The following SMNDC1 variants were observed in gnomAD, a reference collection of about 807,000 sequenced individuals.
The protein encoded by SMNDC1 is survival motor neuron domain containing 1, also known as survival of motor neuron-related-splicing factor 30.
Under a neutral mutation model 29.2 loss-of-function variants are expected in SMNDC1, and 5 were observed. The observed-to-expected ratio is 0.17, with a 90% CI of 0.09 to 0.36. The LOEUF is 0.36. SMNDC1 is among the 10% of genes least tolerant of loss of function. SMNDC1 has a pLI of 1.00. For missense variants in SMNDC1, 142 were observed against 268.5 expected, an observed-to-expected ratio of 0.53 and a Z score of 3.29; for synonymous variants, 80 against 89.9, an observed-to-expected ratio of 0.89 and a Z score of 0.62.
intron 2 of SMNDC1, among the ~76,000 whole-genome samples, chr10:110,303,171 A>AG (rs1187129770): frequency 6.6e-6 from 1 of 152,236 alleles, no homozygotes; most frequent in Non-Finnish European, 1.5e-5. Flanking sequence ...TTCATTGTGA[A>AG]GTTACATGTA....
intron 5 of SMNDC1, among the ~76,000 whole-genome samples, chr10:110,294,729 T>A (rs1857541543): frequency 1.3e-5 from 2 of 152,206 alleles, no homozygotes; most frequent in African/African-American, 4.8e-5. Flanking sequence ...GCCATGTCCA[T>A]CAATGGAAGG....
rs150361329 is a variant in SMNDC1 at position 110,297,683 on chromosome 10, G to A, written c.309C>T (p.Thr103=). 1,033 of 1,613,944 alleles carry A rather than the reference G, an allele frequency of 6.4e-4. No homozygotes were observed. The highest frequency in any genetic ancestry group is 7.9e-4 in the Non-Finnish European group (931 of 1,179,932). Reference sequence around the variant, plus strand: ...CATAACCAGCAAAGGTGATTGCAGCGGTGCCATTTTCTTCATCTATCTCCT... The same window carrying A: ...CATAACCAGCAAAGGTGATTGCAGCAGTGCCATTTTCTTCATCTATCTCCT... ...EIEEIDEENG[T]AAITFAGYGN... The change falls in exon 4 of 6, where the codon ACC becomes ACT. Residue 103 remains threonine (T), a synonymous_variant. Coordinates refer to ENST00000369603, the MANE Select transcript of SMNDC1 (RefSeq NM_005871.4).
At chr10:110,301,710 A>T (rs1021916702) in intron 2 of SMNDC1, among the ~76,000 whole-genome samples, 2 of 152,208 alleles carry the variant, frequency 1.3e-5, no homozygotes, top group Non-Finnish European at 2.9e-5. Flanking sequence ...GTTCTACTGG[A>T]CAGTGCTGTT....
At chr10:110,303,695 T>A (rs1564735242) in intron 1 of SMNDC1, 108 bp from the exon 2 acceptor site, 1 of 1,021,288 alleles carries the variant, frequency 9.8e-7, no homozygotes, top group Non-Finnish European at 1.4e-6. Flanking sequence ...TCTAACTCCT[T>A]CTAACACTGC....
Position 110,298,736 on chromosome 10 carries a change from C to T in SMNDC1, c.175G>A (p.Ala59Thr), listed in dbSNP as rs1179831760. The change falls in exon 3 of 6, where the codon GCA becomes ACA. Residue 59 changes from alanine (A) to threonine (T), a missense_variant. Ala to Thr is a moderately conservative substitution (Grantham distance 58). Coordinates refer to ENST00000369603, the MANE Select transcript of SMNDC1 (RefSeq NM_005871.4). The part of the protein sequence containing the change: ...LLSTQPSETL[A>T]SSDSFASTQP... ...GTAGAAGCAAAACTGTCTGAACTTG[C>T]AAGCGTCTCAGAAGGTTGAGTTGAC... 9.3e-6 allele frequency: 15 copies of T among 1,613,588 alleles called. No homozygotes were observed. Among genetic ancestry groups the T allele is most frequent in the Admixed American group, 1.7e-5 (1 of 59,942 alleles).
rs1187717186 is a variant in SMNDC1 at position 110,294,097 on chromosome 10, A to AT, written c.*52dup. On this transcript the variant is annotated 3_prime_UTR_variant, in exon 6 of 6. Coordinates refer to ENST00000369603, the MANE Select transcript of SMNDC1 (RefSeq NM_005871.4). Reference sequence around the variant, plus strand: ...AATTTACCTTTAGAAAAATATAAGGATAAAAAGGTAAATGTAAAGCCCTGC... The same window carrying AT: ...AATTTACCTTTAGAAAAATATAAGGATTAAAAAGGTAAATGTAAAGCCCTGC... 1 of 1,379,396 alleles carries AT rather than the reference A, an allele frequency of 7.2e-7. No individual in the cohort carries two copies. Among genetic ancestry groups the AT allele is most frequent in the Non-Finnish European group, 9.6e-7 (1 of 1,041,244 alleles). 85.4% of individuals were successfully genotyped at this position (1,379,396 alleles called of 1,614,324 possible). A position where few individuals can be genotyped will look rare whatever the true frequency, so the allele number is the denominator to read the frequency against.
chr10:110,302,889 C>A (rs939754622), intron 2 of SMNDC1, among the ~76,000 whole-genome samples: 1 of 152,078 alleles, frequency 6.6e-6, no homozygotes, highest in African/African-American at 2.4e-5. Context: ...GTTCAATTTC[C>A]ACAAGTGTCA....
At chr10:110,296,757 C>T (rs1183363314) in intron 4 of SMNDC1, among the ~76,000 whole-genome samples, 3 of 152,162 alleles carry the variant, frequency 2.0e-5, no homozygotes, top group African/African-American at 7.2e-5. Context: ...TCTTTATGTT[C>T]TGGACTTTAC....
At chr10:110,295,475 A>G in intron 4 of SMNDC1, 94 bp from the exon 5 acceptor site, 2 of 845,844 alleles carry the variant, frequency 2.4e-6, no homozygotes, top group Non-Finnish European at 1.8e-6. Context: ...AAAATCTAAT[A>G]AACATATACA....
rs557300040 is a variant in SMNDC1 at position 110,291,933 on chromosome 10, A to G, written c.*2217T>C. 2.0e-5 allele frequency: 3 copies of G among 152,300 alleles called. No homozygotes were observed. The South Asian group carries it at 6.2e-4, about 32-fold the overall frequency. The allele number at this position is 152,300 out of a possible 1,614,324, so 9.4% of individuals were successfully genotyped here. ...TTTCTACTTAGGGGCCCATAACTCA[A>G]TATTTAACATTTCAGTCTGTCACAG... is the stretch of plus-strand genomic sequence containing the variant. On this transcript the variant is annotated 3_prime_UTR_variant, in exon 6 of 6. Coordinates refer to ENST00000369603, the MANE Select transcript of SMNDC1 (RefSeq NM_005871.4).
In SMNDC1 at chr10:110,292,073, C is replaced by T. The variant is rs1321371165; in HGVS notation, c.*2077G>A. 6.6e-6 allele frequency: 1 copy of T among 152,144 alleles called. No homozygotes were observed. The highest frequency in any genetic ancestry group is 1.5e-5 in the Non-Finnish European group (1 of 68,022). 9.4% of individuals were successfully genotyped at this position (152,144 alleles called of 1,614,324 possible). A position where few individuals can be genotyped will look rare whatever the true frequency, so the allele number is the denominator to read the frequency against. On this transcript the variant is annotated 3_prime_UTR_variant, in exon 6 of 6. Transcript: ENST00000369603. ...TTTCAGAATATAGAGAGCTTAACCA[C>T]CTTCAACTGTAAAATACTGTGGGTA...
chr10:110,291,890 G>A lies in SMNDC1; in HGVS notation c.*2260C>T, dbSNP rs1857504023. ...AACAACAGTCAAACGTCAAGCTTTG[G>A]TAAGTTACATGCAACCATTTCTACT... On this transcript the variant is annotated 3_prime_UTR_variant, in exon 6 of 6. Coordinates refer to ENST00000369603, the MANE Select transcript of SMNDC1 (RefSeq NM_005871.4). The A allele has an allele frequency of 6.6e-6, 1 of 152,094 alleles. No individual in the cohort carries two copies. The highest frequency in any genetic ancestry group is 1.5e-5 in the Non-Finnish European group (1 of 68,014). The allele number at this position is 152,094 out of a possible 1,614,324, so 9.4% of individuals were successfully genotyped here.
At chr10:110,294,404 A>G in intron 5 of SMNDC1, 117 bp from the exon 6 acceptor site, 1 of 858,134 alleles carries the variant, frequency 1.2e-6, no homozygotes, top group South Asian at 2.0e-5. Context: ...AGAAAAACAT[A>G]TTGCCTTTGT....
intron 1 of SMNDC1, 65 bp from the exon 2 acceptor site, chr10:110,303,652 C>T: frequency 2.7e-6 from 4 of 1,498,534 alleles, no homozygotes; most frequent in Non-Finnish European, 1.8e-6. Context: ...AAAAAACTAA[C>T]TCCCCTGTCT....
rs1314976590 is a variant in SMNDC1 at position 110,291,723 on chromosome 10, G to A, written c.*2427C>T. On this transcript the variant is annotated 3_prime_UTR_variant, in exon 6 of 6. Transcript: ENST00000369603. ...AATGGTAATAAACAAACACTAGTCT[G>A]GCTCTAGAGTCCTTGCTGTTTTCCA... 6.6e-6 allele frequency: 1 copy of A among 152,188 alleles called. No homozygotes were observed. The highest frequency in any genetic ancestry group is 1.5e-5 in the Non-Finnish European group (1 of 68,024). The allele number at this position is 152,188 out of a possible 1,614,324, so 9.4% of individuals were successfully genotyped here.
intron 4 of SMNDC1, 42 bp from the exon 5 acceptor site, chr10:110,295,423 A>G (rs772117157): frequency 6.6e-7 from 1 of 1,515,738 alleles, no homozygotes; most frequent in African/African-American, 1.4e-5. Flanking sequence ...AAGACTTATC[A>G]TACAAGAATG....
chr10:110,297,650 A>G lies in SMNDC1; in HGVS notation c.342T>C (p.Ala114=). 1.2e-6 allele frequency: 2 copies of G among 1,614,002 alleles called. No homozygotes were observed. Among genetic ancestry groups the G allele is most frequent in the Non-Finnish European group, 1.7e-6 (2 of 1,179,940 alleles). ...TGAGGTTCAACAGTGGAGTCACTTC[A>G]GCATTGCCATAACCAGCAAAGGTGA... ...AAITFAGYGN[A]EVTPLLNLKP... The change falls in exon 4 of 6, where the codon GCT becomes GCC. Residue 114 remains alanine, a synonymous_variant. Coordinates refer to ENST00000369603, the MANE Select transcript of SMNDC1 (RefSeq NM_005871.4).
intron 2 of SMNDC1, 56 bp from the exon 3 acceptor site, chr10:110,298,846 T>TA: frequency 7.2e-7 from 1 of 1,380,982 alleles, no homozygotes; most frequent in Admixed American, 1.9e-5. Flanking sequence ...ATTGTCAACT[T>TA]AGTTTCTGAT....
intron 4 of SMNDC1, among the ~76,000 whole-genome samples, chr10:110,295,722 A>G (rs1463053231): frequency 6.6e-6 from 1 of 151,798 alleles, no homozygotes; most frequent in East Asian, 1.9e-4. Flanking sequence ...GCTCACAGCA[A>G]CCTCCACCTC....
Sources: allele counts gnomAD v4.1 joint callset (sites outside exome capture counted in the v4.1 genomes callset), GRCh38; gene constraint gnomAD v4.1.1; transcripts MANE v1.5; gene names NCBI Gene and HGNC (gene_info 2026-07-23, HGNC 2026-07-21).